The following SLC39A11 variants were observed in gnomAD, a reference collection of about 807,000 sequenced individuals.
SLC39A11 encodes the protein zinc transporter ZIP11.
A neutral mutation model predicts 36.1 loss-of-function variants in SLC39A11; 33 were observed. That is an observed-to-expected ratio of 0.91 (90% confidence interval 0.69 to 1.22). SLC39A11 has a LOEUF of 1.22. Among genes scored for constraint, SLC39A11 ranks in the 50% most tolerant of loss-of-function variants. The pLI, the probability that SLC39A11 is intolerant of heterozygous loss-of-function variation, is 0.00. For synonymous variants in SLC39A11, 166 were observed against 170.3 expected (o/e 0.97, Z 0.20); for missense variants, 432 against 430.3 (o/e 1.00, Z -0.03).
intron 3 of SLC39A11, among the ~76,000 whole-genome samples, chr17:73,079,925 G>A (rs1278243734): frequency 1.3e-5 from 2 of 151,978 alleles, no homozygotes; most frequent in African/African-American, 2.4e-5. Flanking sequence ...ATAATACTTA[G>A]GAATACACCT....
chr17:72,875,664 T>C (rs141023738), intron 5 of SLC39A11, among the ~76,000 whole-genome samples: 4 of 152,352 alleles, frequency 2.6e-5, no homozygotes, highest in African/African-American at 9.6e-5. Flanking sequence ...CGCATGCATT[T>C]ACTTATTAAC....
intron 7 of SLC39A11, among the ~76,000 whole-genome samples, chr17:72,715,306 C>T (rs1173921053): frequency 6.6e-6 from 1 of 152,156 alleles, no homozygotes; most frequent in Non-Finnish European, 1.5e-5. Context: ...GCCATATACC[C>T]CAAAGAACCT....
intron 4 of SLC39A11, among the ~76,000 whole-genome samples, chr17:72,991,427 G>A (rs113482432): frequency 6.9e-4 from 104 of 151,084 alleles, no homozygotes; most frequent in African/African-American, 2.4e-3. Flanking sequence ...GCGTGATCTC[G>A]GCTCACCACA....
intron 4 of SLC39A11, among the ~76,000 whole-genome samples, chr17:72,968,185 T>C (rs1166599997): frequency 1.3e-5 from 2 of 152,100 alleles, no homozygotes; most frequent in East Asian, 3.9e-4. Context: ...AGAAACCCCA[T>C]GAGCTAAGCG....
intron 5 of SLC39A11, among the ~76,000 whole-genome samples, chr17:72,886,651 C>T (rs1326499478): frequency 1.3e-5 from 2 of 152,192 alleles, no homozygotes; most frequent in Non-Finnish European, 2.9e-5. Flanking sequence ...TGTGTGTCAG[C>T]TCATGGAACT....
intron 3 of SLC39A11, among the ~76,000 whole-genome samples, chr17:73,063,604 G>A (rs1243124239): frequency 2.6e-5 from 4 of 151,734 alleles, no homozygotes; most frequent in African/African-American, 4.8e-5. Context: ...AACAGAGCAA[G>A]GCTCATCTCA....
chr17:73,037,756 T>G (rs2058970440), intron 3 of SLC39A11, among the ~76,000 whole-genome samples: 1 of 152,200 alleles, frequency 6.6e-6, no homozygotes, highest in African/African-American at 2.4e-5. Context: ...CCCAAAGTCT[T>G]TTTTGCCTCT....
At chr17:72,932,302 T>TTATTATTATTATTATTATTATTA (rs2084451239) in intron 5 of SLC39A11, among the ~76,000 whole-genome samples, 1 of 151,554 alleles carries the variant, frequency 6.6e-6, no homozygotes, top group African/African-American at 2.4e-5. Flanking sequence ...TTTATTATTA[T>TTATTATTATTATTATTATTATTA]TATTATTATA....
intron 6 of SLC39A11, among the ~76,000 whole-genome samples, chr17:72,821,172 G>A (rs2077763915): frequency 6.6e-6 from 1 of 150,382 alleles, no homozygotes. Flanking sequence ...GCAGTAGGGT[G>A]GGCTTCTAGT....
At chr17:73,051,203 G>A (rs1292792477) in intron 3 of SLC39A11, among the ~76,000 whole-genome samples, 1 of 152,102 alleles carries the variant, frequency 6.6e-6, no homozygotes, top group Non-Finnish European at 1.5e-5. Flanking sequence ...CATCACTCCA[G>A]TCACCCGGCC....
intron 3 of SLC39A11, among the ~76,000 whole-genome samples, chr17:73,057,827 CT>C (rs1296214085): frequency 2.6e-5 from 4 of 152,144 alleles, no homozygotes; most frequent in African/African-American, 9.7e-5. Flanking sequence ...GTCCCAGCTA[CT>C]TGGGAGGCTG....
intron 5 of SLC39A11, among the ~76,000 whole-genome samples, chr17:72,914,867 CATAA>C (rs374560040): frequency 1.3e-5 from 2 of 149,440 alleles, no homozygotes; most frequent in African/African-American, 4.9e-5. Flanking sequence ...GACTCTGTCT[CATAA>C]ATAAATAAAT....
intron 6 of SLC39A11, among the ~76,000 whole-genome samples, chr17:72,780,616 A>C (rs1229692050): frequency 1.3e-5 from 2 of 151,460 alleles, no homozygotes; most frequent in Non-Finnish European, 2.9e-5. Flanking sequence ...TCATCATTCC[A>C]TGTAGACCAT....
chr17:72,663,396 G>C (rs914456033), intron 7 of SLC39A11, among the ~76,000 whole-genome samples: 6 of 152,152 alleles, frequency 3.9e-5, no homozygotes, highest in African/African-American at 1.2e-4. Flanking sequence ...GCGTTGTACA[G>C]GATAACGTTT....
At chr17:73,004,086 G>C (rs1289300136) in intron 4 of SLC39A11, among the ~76,000 whole-genome samples, 1 of 142,822 alleles carries the variant, frequency 7.0e-6, no homozygotes, top group Non-Finnish European at 1.5e-5. Flanking sequence ...ACTGTGTAAA[G>C]AAAGAAAGGA....
intron 3 of SLC39A11, among the ~76,000 whole-genome samples, chr17:73,062,475 A>AAAAAAAAAAAAAAAAAACAAC (rs56021607): frequency 1.1e-5 from 1 of 87,034 alleles, no homozygotes; most frequent in East Asian, 4.0e-4. Context: ...AAAAAAAAAA[A>AAAAAAAAAAAAAAAAAACAAC]AAACTTTAGG....
intron 4 of SLC39A11, among the ~76,000 whole-genome samples, chr17:72,957,224 T>A (rs1016764969): frequency 4.6e-5 from 7 of 152,124 alleles, no homozygotes; most frequent in African/African-American, 1.7e-4. Context: ...CATTGAAGGG[T>A]TGGATGAATC....
chr17:72,699,619 ATCCACT>A (rs1213450233), intron 7 of SLC39A11, among the ~76,000 whole-genome samples: 1 of 152,206 alleles, frequency 6.6e-6, no homozygotes, highest in Non-Finnish European at 1.5e-5. Context: ...AAAGAGTTTA[ATCCACT>A]CCTTGCCTTG....
chr17:72,868,066 C>G (rs1190818304), intron 5 of SLC39A11, among the ~76,000 whole-genome samples: 1 of 152,258 alleles, frequency 6.6e-6, no homozygotes, highest in African/African-American at 2.4e-5. Flanking sequence ...CCTACTCACA[C>G]ACCCTGGGCA....
Sources: gnomAD v4.1 joint callset for allele counts (sites outside exome capture counted in the v4.1 genomes callset) on GRCh38, gnomAD v4.1.1 for gene constraint, MANE v1.5 for transcripts, NCBI Gene and HGNC (gene_info 2026-07-23, HGNC 2026-07-21) for gene names.